The following KDM4A variants were observed in gnomAD, a reference collection of about 807,000 sequenced individuals.
The protein encoded by KDM4A is lysine demethylase 4A, also known as lysine-specific demethylase 4A.
KDM4A carries 23 observed loss-of-function variants against 127.1 expected under a neutral mutation model. That is an observed-to-expected ratio of 0.18 (90% CI 0.13 to 0.26). The LOEUF (loss-of-function observed/expected upper bound fraction) is 0.26, where lower values mean the gene tolerates loss of function less well. Among genes scored for constraint, KDM4A ranks in the 10% least tolerant of loss-of-function variants. KDM4A has a pLI of 1.00. For missense variants in KDM4A, 890 were observed against 1,329.1 expected (o/e 0.67, Z 5.14); for synonymous variants, 443 against 466.5 (o/e 0.95, Z 0.65).
chr1:43,692,775 A>G (rs927411468), intron 16 of KDM4A, among the ~76,000 whole-genome samples: 19 of 152,198 alleles, frequency 1.2e-4, no homozygotes, highest in Admixed American at 9.2e-4. Flanking sequence ...GAGCTCAGAC[A>G]GGCCCACCCA....
intron 3 of KDM4A, among the ~76,000 whole-genome samples, chr1:43,657,214 T>A (rs187525728): frequency 3.5e-3 from 540 of 152,162 alleles, no homozygotes; most frequent in African/African-American, 9.5e-3. Flanking sequence ...TTATTTATTT[T>A]TTTTTTTGAG....
Position 43,689,805 on chromosome 1 carries a change from G to A in KDM4A, c.2037+710G>A, listed in dbSNP as rs1411869548. Among the ~76,000 whole-genome samples, 4 of 152,230 alleles carry A rather than the reference G, an allele frequency of 2.6e-5. No individual in the cohort carries two copies. In the South Asian group the frequency reaches 6.2e-4, roughly 24 times the overall value. On this transcript the variant is annotated intron_variant, in intron 13 of 21. Coordinates refer to ENST00000372396, the MANE Select transcript of KDM4A (RefSeq NM_014663.3). Reference sequence around the variant, plus strand: ...TGGTGGTTAAAGTGGCATGGCTGCCGCTGAGCCTGGCAGGGCCCCAGATTC... The same window carrying A: ...TGGTGGTTAAAGTGGCATGGCTGCCACTGAGCCTGGCAGGGCCCCAGATTC...
intron 11 of KDM4A, among the ~76,000 whole-genome samples, chr1:43,678,451 A>G (rs929710361): frequency 2.6e-5 from 4 of 152,068 alleles, no homozygotes; most frequent in Non-Finnish European, 5.9e-5. Flanking sequence ...ACAGTGGGAG[A>G]TATGGCCAAG....
rs923475044 is a variant in KDM4A at position 43,693,550 on chromosome 1, G to A, written c.2376-444G>A. Among the ~76,000 whole-genome samples, 3 of 152,206 alleles carry A rather than the reference G, an allele frequency of 2.0e-5. No individual in the cohort carries two copies. Among genetic ancestry groups the A allele is most frequent in the African/African-American group, 7.2e-5 (3 of 41,450 alleles). On this transcript the variant is annotated intron_variant, in intron 16 of 21. Transcript: ENST00000372396. The surrounding 1 kb of genome is among the most constrained non-coding windows in gnomAD (Gnocchi z 4.2). The stretch of plus-strand genomic sequence containing the variant: ...CAGAAGGGAGAGGTCATTTCAGCCT[G>A]GGGGAGAGGTTTGGGCAGAGGCCGA...
intron 19 of KDM4A, among the ~76,000 whole-genome samples, chr1:43,703,067 C>T (rs1661443771): frequency 1.3e-5 from 2 of 151,286 alleles, no homozygotes; most frequent in South Asian, 2.1e-4. Context: ...CTCAGACTCC[C>T]GAGTAGCTGG....
chr1:43,691,090 T>C, intron 14 of KDM4A, 41 bp downstream of exon 14: 2 of 1,596,880 alleles, frequency 1.3e-6, no homozygotes, highest in Non-Finnish European at 8.6e-7. Flanking sequence ...GTCCCAGGAG[T>C]ATGGGCCTGC....
chr1:43,694,275 G>C lies in KDM4A; in HGVS notation c.2484+173G>C, dbSNP rs564464655. 6.6e-6 allele frequency among the ~76,000 whole-genome samples: 1 copy of C among 152,136 alleles called. No individual in the cohort carries two copies. The highest frequency in any genetic ancestry group is 1.5e-5 in the Non-Finnish European group (1 of 68,020). ...CTCACACCTGTAATCCCAGCCCTTTGTGGGGCCGAGGTGGGTGAACCACTT... is the reference window on the plus strand; with the variant it reads ...CTCACACCTGTAATCCCAGCCCTTTCTGGGGCCGAGGTGGGTGAACCACTT... On this transcript the variant is annotated intron_variant, in intron 17 of 21. Transcript: ENST00000372396. The surrounding 1 kb of genome is among the most constrained non-coding windows in gnomAD (Gnocchi z 5.2).
At chr1:43,661,466 TGCAGTAGC>T (rs1351883312) in intron 4 of KDM4A, among the ~76,000 whole-genome samples, 173 of 151,346 alleles carry the variant, frequency 1.1e-3, no homozygotes, top group African/African-American at 4.0e-3. Flanking sequence ...AAAAGTAGCC[TGCAGTAGC>T]GGGCGCCTGT....
chr1:43,692,590 C>T (rs1031073497), intron 16 of KDM4A, among the ~76,000 whole-genome samples: 4 of 152,134 alleles, frequency 2.6e-5, no homozygotes, highest in South Asian at 2.1e-4. Flanking sequence ...AATATGAAGA[C>T]GAAGATGATG....
At chr1:43,690,281 G>A (rs989754719) in intron 13 of KDM4A, among the ~76,000 whole-genome samples, 4 of 152,116 alleles carry the variant, frequency 2.6e-5, no homozygotes, top group Admixed American at 6.5e-5. Context: ...AGTGTAGCAC[G>A]TAAGGGAGCC....
chr1:43,652,768 A>G (rs1660145752), intron 1 of KDM4A, among the ~76,000 whole-genome samples: 1 of 138,838 alleles, frequency 7.2e-6, no homozygotes, highest in Non-Finnish European at 1.5e-5. Flanking sequence ...TGCAACCTTT[A>G]GCCTCCCGGG....
In KDM4A at chr1:43,654,702, AGTGTGTGTGTGT is replaced by A. The variant is rs58710892; in HGVS notation, c.139-862_139-851del. ...GTGTTGCCTTATGCAGATGCTTGTG[AGTGTGTGTGTGT>A]GTGTGTGTGTGTGTGTGTGTGTGTG... On this transcript the variant is annotated intron_variant, in intron 2 of 21. Transcript: ENST00000372396. Among the ~76,000 whole-genome samples, 1,139 of 131,910 alleles carry A rather than the reference AGTGTGTGTGTGT, an allele frequency of 8.6e-3. 19 individuals are homozygous for A. The highest frequency in any genetic ancestry group is 0.025 in the African/African-American group (952 of 38,376). 86.5% of individuals were successfully genotyped at this position (131,910 alleles called of 152,430 possible).
In KDM4A at chr1:43,671,343, G is replaced by A. The variant is rs542558917; in HGVS notation, c.1364-162G>A. On this transcript the variant is annotated intron_variant, in intron 10 of 21. Transcript: ENST00000372396. ...GGAAGAAGCTGGAGGCCAGGAGGCT[G>A]AGCAAATAGCCCTGGCTCACAGTGC... 9.2e-5 allele frequency among the ~76,000 whole-genome samples: 14 copies of A among 152,324 alleles called. No individual in the cohort carries two copies. In the East Asian group the frequency reaches 1.9e-3, roughly 21 times the overall value.
In KDM4A at chr1:43,704,266, A is replaced by G; in HGVS notation, c.3091A>G (p.Thr1031Ala). The G allele has an allele frequency of 6.2e-7, 1 of 1,614,142 alleles. No homozygotes were observed. The highest frequency in any genetic ancestry group is 8.5e-7 in the Non-Finnish European group (1 of 1,180,026). The change falls in exon 22 of 22, where the codon ACA becomes GCA. Residue 1031 changes from threonine (T) to alanine (A), a missense_variant. Physicochemically the swap from Thr to Ala is moderately conservative, Grantham distance 58 (BLOSUM62 0). Around this residue, in one of 7 missense-constraint regions of KDM4A, gnomAD observed 246 missense variants for 418.4 expected, o/e 0.59. Transcript: ENST00000372396. ...ASDMRFNEIFTEKEVKQEKKR... is the reference protein window; with the variant it reads ...ASDMRFNEIFAEKEVKQEKKR... ...AGACATGCGCTTCAATGAGATTTTC[A>G]CAGAGAAAGAGGTTAAGCAAGAAAA...
At chr1:43,703,575 G>T in intron 19 of KDM4A, 42 bp from the exon 20 acceptor site, 1 of 1,610,540 alleles carries the variant, frequency 6.2e-7, no homozygotes, top group Non-Finnish European at 8.5e-7. Flanking sequence ...TTTGTGTGCA[G>T]GTGGACGTTC....
chr1:43,666,575 C>T lies in KDM4A; in HGVS notation c.777+20C>T, dbSNP rs1660505780. The T allele has an allele frequency of 1.3e-6, 2 of 1,588,142 alleles. No homozygotes were observed. The highest frequency in any genetic ancestry group is 2.2e-5 in the East Asian group (1 of 44,754). ...GACAAGGTGAGCTGATGTTACATGCCAAAGTTCTCAGGCACCACCCTTTCT... is the reference window on the plus strand; with the variant it reads ...GACAAGGTGAGCTGATGTTACATGCTAAAGTTCTCAGGCACCACCCTTTCT... On this transcript the variant is annotated intron_variant, in intron 7 of 21. Transcript: ENST00000372396.
chr1:43,690,800 A>T (rs1661090032), intron 13 of KDM4A, 45 bp from the exon 14 acceptor site: 1 of 1,564,158 alleles, frequency 6.4e-7, no homozygotes, highest in Admixed American at 1.7e-5. Flanking sequence ...AGCTAAGAGC[A>T]TAGGCACGTG....
intron 13 of KDM4A, chr1:43,690,448 A>G: frequency 3.5e-6 from 1 of 288,592 alleles, no homozygotes; most frequent in South Asian, 3.8e-5. Flanking sequence ...GGGTTTCACC[A>G]TGTTGGCTAG....
At chr1:43,656,910 A>T (rs2154046412) in intron 3 of KDM4A, among the ~76,000 whole-genome samples, 1 of 151,534 alleles carries the variant, frequency 6.6e-6, no homozygotes, top group African/African-American at 2.4e-5. Context: ...TTGTATTTTT[A>T]GTAGAGACGG....
Sources: allele counts gnomAD v4.1 joint callset (sites outside exome capture counted in the v4.1 genomes callset), GRCh38; gene constraint gnomAD v4.1.1; regional missense constraint gnomAD v4.1.1; non-coding constraint Gnocchi (gnomAD v3.1); transcripts MANE v1.5; gene names NCBI Gene and HGNC (gene_info 2026-07-23, HGNC 2026-07-21).